TTC27: variants seen among roughly 807,000 people sequenced by gnomAD.
TTC27 encodes the protein tetratricopeptide repeat protein 27.
A neutral mutation model predicts 115.9 loss-of-function variants in TTC27; 79 were observed. That is an observed-to-expected ratio of 0.68 (90% CI 0.57 to 0.82). TTC27 has a LOEUF of 0.82. Ranked by LOEUF, TTC27 falls within the 40% of genes least tolerant of loss-of-function variation. The probability of loss-of-function intolerance (pLI) is 0.00; values close to 1 mark genes in which losing one functional copy is unlikely to be tolerated. For synonymous variants in TTC27, 401 were observed against 356.0 expected (o/e 1.13, Z -1.42); for missense variants, 1,054 against 993.1 (o/e 1.06, Z -0.82).
At chr2:32,733,366 A>G (rs147657842) in intron 10 of TTC27, among the ~76,000 whole-genome samples, 4 of 152,308 alleles carry the variant, frequency 2.6e-5, no homozygotes, top group African/African-American at 9.6e-5. Context: ...GAGTGAGAGA[A>G]CTTGCTCTCT....
chr2:32,722,802 G>T (rs2151910461), intron 10 of TTC27, among the ~76,000 whole-genome samples: 1 of 152,298 alleles, frequency 6.6e-6, no homozygotes, highest in South Asian at 2.1e-4. Flanking sequence ...AATTCAGGTT[G>T]AAGGGGAGGG....
chr2:32,690,597 G>A (rs1157134222), intron 9 of TTC27, among the ~76,000 whole-genome samples: 1 of 152,180 alleles, frequency 6.6e-6, no homozygotes, highest in Non-Finnish European at 1.5e-5. Context: ...TTTAGATGGA[G>A]TGATATAGCA....
In TTC27 at chr2:32,670,120, C is replaced by T. The variant is rs530829848; in HGVS notation, c.940-2152C>T. Reference sequence around the variant, plus strand: ...CTCGAACTTCTGACGTCGGGTGATCCGCCCGCCTCAGCCTCTCAAAGTGCT... The same window carrying T: ...CTCGAACTTCTGACGTCGGGTGATCTGCCCGCCTCAGCCTCTCAAAGTGCT... On this transcript the variant is annotated intron_variant, in intron 7 of 19. Transcript: ENST00000317907. Among the ~76,000 whole-genome samples, 260 of 151,702 alleles carry T rather than the reference C, an allele frequency of 1.7e-3. 1 individual carries two copies. Among genetic ancestry groups the T allele is most frequent in the African/African-American group, 6.0e-3 (247 of 41,384 alleles).
At position 32,715,877 on chromosome 2, in the gene TTC27, T is replaced by TG. The variant is rs563503771; in HGVS notation, c.1233+12957_1233+12958insG. 1.1e-3 allele frequency among the ~76,000 whole-genome samples: 173 copies of TG among 152,130 alleles called. 2 individuals carry two copies. The South Asian group carries it at 0.013, about 11-fold the overall frequency. On this transcript the variant is annotated intron_variant, in intron 10 of 19. Coordinates refer to ENST00000317907, the MANE Select transcript of TTC27 (RefSeq NM_017735.5). ...GGTCCTTTATGTTTGTTTTTTTTTT[T>TG]TAATACTGATGGAATTACCACACTC...
chr2:32,677,490 C>G (rs1056896376), intron 8 of TTC27, among the ~76,000 whole-genome samples: 1 of 152,042 alleles, frequency 6.6e-6, no homozygotes, highest in Non-Finnish European at 1.5e-5. Flanking sequence ...TGCTCTGTCA[C>G]TCAGGCTGGA....
chr2:32,792,697 G>C (rs1298336721), intron 16 of TTC27, among the ~76,000 whole-genome samples: 4 of 152,152 alleles, frequency 2.6e-5, no homozygotes, highest in African/African-American at 7.2e-5. Context: ...CCTCCTGGTA[G>C]TTTTTGTAAT....
chr2:32,817,186 C>T (rs1671527151), intron 18 of TTC27, among the ~76,000 whole-genome samples: 1 of 151,114 alleles, frequency 6.6e-6, no homozygotes, highest in Non-Finnish European at 1.5e-5. Flanking sequence ...AGCTTGAGGC[C>T]AGTAGTTCAA....
intron 1 of TTC27, among the ~76,000 whole-genome samples, chr2:32,630,195 G>A (rs968322999): frequency 4.6e-5 from 7 of 152,292 alleles, no homozygotes; most frequent in African/African-American, 1.7e-4. Context: ...TTAGAACCTT[G>A]ACTAAGGAAA....
Position 32,736,061 on chromosome 2 carries a change from C to A in TTC27, c.1330-633C>A, listed in dbSNP as rs186155639. ...TCTGACCTTACCTACTTTTTTAAAT[C>A]TTTAAATTTTTTTTCCCTTTGTGCA... is the stretch of plus-strand genomic sequence containing the variant. On this transcript the variant is annotated intron_variant, in intron 11 of 19. Coordinates refer to ENST00000317907, the MANE Select transcript of TTC27 (RefSeq NM_017735.5). 8.5e-5 allele frequency among the ~76,000 whole-genome samples: 13 copies of A among 152,180 alleles called. No homozygotes were observed. In the East Asian group the frequency reaches 2.3e-3, roughly 27 times the overall value.
intron 9 of TTC27, among the ~76,000 whole-genome samples, chr2:32,691,880 C>G (rs969648392): frequency 1.3e-5 from 2 of 151,834 alleles, no homozygotes; most frequent in South Asian, 4.1e-4. Flanking sequence ...TTAAGACAGG[C>G]ACACAAATGT....
At chr2:32,727,151 T>C (rs1479346093) in intron 10 of TTC27, among the ~76,000 whole-genome samples, 1 of 152,156 alleles carries the variant, frequency 6.6e-6, no homozygotes, top group Non-Finnish European at 1.5e-5. Flanking sequence ...AAATGAGAGT[T>C]TCGGAAAACC....
chr2:32,694,873 C>CT (rs1666932673), intron 9 of TTC27, among the ~76,000 whole-genome samples: 1 of 151,418 alleles, frequency 6.6e-6, no homozygotes, highest in African/African-American at 2.4e-5. Flanking sequence ...GAGACAGGGT[C>CT]TTGCTGTGTT....
intron 4 of TTC27, among the ~76,000 whole-genome samples, chr2:32,649,118 ACTTCTAGGAACAGTG>A (rs1664982730): frequency 6.6e-6 from 1 of 152,198 alleles, no homozygotes; most frequent in African/African-American, 2.4e-5. Context: ...TATGATGCCA[ACTTCTAGGAACAGTG>A]TAGAAGTTCA....
chr2:32,766,184 T>C, intron 13 of TTC27, among the ~76,000 whole-genome samples: 1 of 152,254 alleles, frequency 6.6e-6, no homozygotes, highest in East Asian at 1.9e-4. Context: ...TGATACATTG[T>C]AATTATACAT....
At chr2:32,628,529 G>T in intron 1 of TTC27, 149 bp downstream of exon 1, 3 of 768,404 alleles carry the variant, frequency 3.9e-6, no homozygotes, top group Admixed American at 3.6e-5. Flanking sequence ...CTTTGACATG[G>T]TGGGCGTGGT....
At chr2:32,806,947 A>C (rs928998853) in intron 16 of TTC27, among the ~76,000 whole-genome samples, 1 of 152,230 alleles carries the variant, frequency 6.6e-6, no homozygotes, top group African/African-American at 2.4e-5. Context: ...TGTAGTGTAC[A>C]TACAGAAAAG....
intron 12 of TTC27, among the ~76,000 whole-genome samples, chr2:32,739,236 A>G (rs945604871): frequency 6.6e-6 from 1 of 152,172 alleles, no homozygotes; most frequent in Non-Finnish European, 1.5e-5. Context: ...GTCTTTTTAC[A>G]CTGGCCAAGA....
At chr2:32,787,649 A>G (rs1670393751) in intron 16 of TTC27, among the ~76,000 whole-genome samples, 1 of 152,182 alleles carries the variant, frequency 6.6e-6, no homozygotes, top group Admixed American at 6.5e-5. Flanking sequence ...TCCAGAAAGT[A>G]TGGGAGATTC....
At position 32,735,862 on chromosome 2, in the gene TTC27, T is replaced by G. The variant is rs144613140; in HGVS notation, c.1330-832T>G. Among the ~76,000 whole-genome samples, 214 of 152,284 alleles carry G rather than the reference T, an allele frequency of 1.4e-3. 2 individuals are homozygous for G. The highest frequency in any genetic ancestry group is 5.0e-3 in the African/African-American group (209 of 41,576). ...ATGGGTTACTGATGTATTGGATCAT[T>G]CTCATTATTTATTTTGATAATCTGT... On this transcript the variant is annotated intron_variant, in intron 11 of 19. Coordinates refer to ENST00000317907, the MANE Select transcript of TTC27 (RefSeq NM_017735.5).
Sources: gnomAD v4.1 joint callset for allele counts (sites outside exome capture counted in the v4.1 genomes callset) on GRCh38, gnomAD v4.1.1 for gene constraint, MANE v1.5 for transcripts, NCBI Gene and HGNC (gene_info 2026-07-23, HGNC 2026-07-21) for gene names.